ENO4: variants seen among roughly 807,000 people sequenced by gnomAD.
ENO4 encodes the protein 2-phospho-D-glycerate hydro-lyase.
A neutral mutation model predicts 63.2 loss-of-function variants in ENO4; 53 were observed. That is an observed-to-expected ratio of 0.84 (90% CI 0.67 to 1.05). The LOEUF (loss-of-function observed/expected upper bound fraction) is 1.05, where lower values mean the gene tolerates loss of function less well. Among genes scored for constraint, ENO4 ranks in the 50% least tolerant of loss-of-function variants. The probability of loss-of-function intolerance (pLI) is 0.00; values close to 1 mark genes in which losing one functional copy is unlikely to be tolerated. For synonymous variants in ENO4, 266 were observed against 283.8 expected (o/e 0.94, Z 0.63); for missense variants, 719 against 772.0 (o/e 0.93, Z 0.81).
chr10:116,854,616 A>G (rs985961715), intron 1 of ENO4, among the ~76,000 whole-genome samples: 6 of 150,938 alleles, frequency 4.0e-5, no homozygotes, highest in Middle Eastern at 3.5e-3. Flanking sequence ...TGAATGCGTC[A>G]TGGTGTTCTA....
At chr10:116,879,492 CT>C in intron 12 of ENO4, 134 bp downstream of exon 12, 3 of 683,682 alleles carry the variant, frequency 4.4e-6, no homozygotes, top group Non-Finnish European at 7.1e-6. Context: ...AGATAGCTAC[CT>C]TTTGCAAAGA....
At chr10:116,878,773 T>G (rs530604893) in intron 11 of ENO4, among the ~76,000 whole-genome samples, 2 of 140,234 alleles carry the variant, frequency 1.4e-5, no homozygotes, top group Admixed American at 1.6e-4. Context: ...GACGGAGTCT[T>G]GCTCTGTCGC....
downstream of ENO4, among the ~76,000 whole-genome samples, chr10:116,887,026 T>C (rs1009801264): frequency 1.3e-5 from 2 of 150,596 alleles, no homozygotes; most frequent in African/African-American, 4.9e-5. Context: ...ACAAGGGGAG[T>C]AATCACCCCT....
At position 116,881,595 on chromosome 10, in the gene ENO4, A is replaced by AG; in HGVS notation, c.1807dup (p.Glu603GlyfsTer44). The AG allele has an allele frequency of 6.4e-7, 1 of 1,550,416 alleles. No individual in the cohort carries two copies. Among genetic ancestry groups the AG allele is most frequent in the Non-Finnish European group, 8.7e-7 (1 of 1,146,896 alleles). On this transcript the variant is annotated frameshift_variant, in exon 14 of 14. Coordinates refer to ENST00000341276, the MANE Select transcript of ENO4 (RefSeq NM_001242699.2). LOFTEE classifies it low-confidence loss of function (END_TRUNC). ...GGAGGCACTTGAGGCTGCTGCGGCT[A>AG]GGGAGCCGCTGGTGCCCACCTTCCC...
At chr10:116,875,987 G>A in intron 10 of ENO4, 78 bp from the exon 11 acceptor site, 1 of 1,085,080 alleles carries the variant, frequency 9.2e-7, no homozygotes, top group Non-Finnish European at 1.2e-6. Context: ...GTGAGCTTGA[G>A]TATGTGCTAT....
intron 7 of ENO4, among the ~76,000 whole-genome samples, chr10:116,864,084 G>A (rs761196415): frequency 5.3e-5 from 8 of 152,142 alleles, no homozygotes; most frequent in Non-Finnish European, 1.0e-4. Flanking sequence ...ATCAGGAGCC[G>A]GTGCCACAGG....
chr10:116,901,081 A>C, intron 10 of ENO4: 1 of 985,372 alleles, frequency 1.0e-6, no homozygotes, highest in Non-Finnish European at 1.2e-6. Context: ...GATTTGTCTC[A>C]CCTCTTCCTT....
intron 6 of ENO4, 95 bp from the exon 7 acceptor site, chr10:116,862,698 TCTACAA>T: frequency 1.3e-6 from 1 of 776,810 alleles, no homozygotes; most frequent in Non-Finnish European, 2.2e-6. Context: ...AATCAGGGAC[TCTACAA>T]ATACTCTGAG....
chr10:116,880,897 CA>C (rs1364765327), intron 13 of ENO4, among the ~76,000 whole-genome samples: 1 of 152,150 alleles, frequency 6.6e-6, no homozygotes, highest in Non-Finnish European at 1.5e-5. Flanking sequence ...GCAGGGCATC[CA>C]AAAGGACTCT....
chr10:116,876,290 G>A (rs1018360946), intron 11 of ENO4, 30 bp downstream of exon 11: 16 of 1,481,126 alleles, frequency 1.1e-5, no homozygotes, highest in Middle Eastern at 1.7e-4. Flanking sequence ...TGAAAGACTC[G>A]TAATGACTTG....
At chr10:116,903,299 G>A (rs536324242) in intron 10 of ENO4, among the ~76,000 whole-genome samples, 2 of 152,248 alleles carry the variant, frequency 1.3e-5, no homozygotes, top group East Asian at 3.9e-4. Flanking sequence ...TTGAGAGGCC[G>A]AGGCAGGCGG....
At chr10:116,882,645 C>G (rs1386846381), downstream of ENO4, 1 of 152,120 alleles carries the variant, frequency 6.6e-6, no homozygotes, top group African/African-American at 2.4e-5. Flanking sequence ...GTTTAGACTT[C>G]TGACAAATTC....
rs754935679 is a variant in ENO4, at chr10:116,881,526, G to T, written c.1735G>T (p.Glu579Ter). The T allele has an allele frequency of 6.5e-7, 1 of 1,542,476 alleles. No homozygotes were observed. The highest frequency in any genetic ancestry group is 1.4e-5 in the African/African-American group (1 of 72,532). ...GTTACTTTAAATAGGTTTCAAAGAA[G>T]AACACACTTTTTTTTACTTTAATGA... ...VQNGTLGFKEEHTFFYFNEEA... is the reference protein window; with the variant it reads ...VQNGTLGFKE The change falls in exon 14 of 14, where the codon GAA becomes TAA. Residue 579 changes from glutamate to a stop codon, truncating the protein, a stop_gained. Transcript: ENST00000341276. LOFTEE classifies it low-confidence loss of function (END_TRUNC).
intron 10 of ENO4, among the ~76,000 whole-genome samples, chr10:116,905,418 G>C (rs1847932336): frequency 1.3e-5 from 2 of 152,138 alleles, no homozygotes; most frequent in African/African-American, 2.4e-5. Context: ...GGGGGGCACA[G>C]TAGGAGGGGA....
Position 116,855,639 on chromosome 10 carries a change from A to C in ENO4, c.182A>C (p.Lys61Thr). ...VYGHLANCFSKLAKPPTICKI... is the reference protein window; with the variant it reads ...VYGHLANCFSTLAKPPTICKI... ...GTGTTGAAGGCAAACTGCTTTTCTA[A>C]ACTTGCAAAGCCTCCCACCATATGC... Residue 61 changes from lysine to threonine, a missense_variant, in exon 2 of 14, where the codon AAA (lysine) becomes ACA (threonine). Coordinates refer to ENST00000341276, the MANE Select transcript of ENO4 (RefSeq NM_001242699.2). The C allele has an allele frequency of 6.5e-7, 1 of 1,536,194 alleles. No individual in the cohort carries two copies. The highest frequency in any genetic ancestry group is 8.7e-7 in the Non-Finnish European group (1 of 1,146,946).
intron 10 of ENO4, among the ~76,000 whole-genome samples, chr10:116,904,675 C>G (rs952806610): frequency 1.3e-5 from 2 of 152,136 alleles, no homozygotes; most frequent in Non-Finnish European, 2.9e-5. Flanking sequence ...CCACCATGTT[C>G]ATGAAATGTG....
In ENO4 at chr10:116,849,680, G is replaced by C; in HGVS notation, c.114G>C (p.Glu38Asp). 5 of 1,549,396 alleles carry C rather than the reference G, an allele frequency of 3.2e-6. No homozygotes were observed. The highest frequency in any genetic ancestry group is 3.5e-6 in the Non-Finnish European group (4 of 1,146,444). ...ACGACGTTCCGCGCAGGCTGGAAGA[G>C]CTGCTCAACTCCACCTTCTACCTCC... is the stretch of plus-strand genomic sequence containing the variant. Reference protein sequence around the residue: ...RENDVPRRLEELLNSTFYLQP... With the variant: ...RENDVPRRLEDLLNSTFYLQP... Residue 38 changes from glutamate to aspartate, a missense_variant, in exon 1 of 14, where the codon GAG (glutamate) becomes GAC (aspartate). By Grantham distance (45) the Glu-to-Asp change is conservative. This residue lies in a region of ENO4 where 544 missense variants were observed against 583.6 expected (regional missense o/e 0.93). Coordinates refer to ENST00000341276, the MANE Select transcript of ENO4 (RefSeq NM_001242699.2).
intron 9 of ENO4, among the ~76,000 whole-genome samples, chr10:116,872,143 G>A (rs1846712784): frequency 1.3e-5 from 2 of 152,198 alleles, no homozygotes; most frequent in Non-Finnish European, 2.9e-5. Flanking sequence ...GTTGCAGTGA[G>A]CCAAGATCGT....
chr10:116,878,131 C>A (rs1293902028), intron 11 of ENO4, among the ~76,000 whole-genome samples: 2 of 152,224 alleles, frequency 1.3e-5, no homozygotes, highest in East Asian at 3.8e-4. Context: ...ATACAACTAC[C>A]TAATGACTGG....
Sources: allele counts gnomAD v4.1 joint callset (sites outside exome capture counted in the v4.1 genomes callset), GRCh38; gene constraint gnomAD v4.1.1; regional missense constraint gnomAD v4.1.1; transcripts MANE v1.5; gene names NCBI Gene and HGNC (gene_info 2026-07-23, HGNC 2026-07-21).